Variants in STAT3 observed in about 807,000 individuals in gnomAD.
STAT3 encodes signal transducer and activator of transcription 3, also known as DNA-binding protein APRF.
A neutral mutation model predicts 114.3 loss-of-function variants in STAT3; 7 were observed. The ratio of observed to expected loss-of-function variants is 0.06; its 90% CI spans 0.03 to 0.11. The LOEUF is 0.11. STAT3 is among the 10% of genes least tolerant of loss of function. The pLI is 1.00. For synonymous variants in STAT3, 331 were observed against 354.5 expected, an observed-to-expected ratio of 0.93 and a Z score of 0.74; for missense variants, 364 against 960.9, an observed-to-expected ratio of 0.38 and a Z score of 8.21.
chr17:42,336,299 A>G (rs1278062851), intron 8 of STAT3, among the ~76,000 whole-genome samples: 1 of 152,208 alleles, frequency 6.6e-6, no homozygotes, highest in Non-Finnish European at 1.5e-5. Flanking sequence ...AGAAAAGCAT[A>G]TAAAGGAAGA....
intron 1 of STAT3, among the ~76,000 whole-genome samples, chr17:42,372,399 C>CA (rs1258468775): frequency 1.3e-5 from 2 of 151,868 alleles, no homozygotes; most frequent in East Asian, 1.9e-4. Flanking sequence ...TATCAAGCCA[C>CA]AAAAAAACAT....
intron 4 of STAT3, among the ~76,000 whole-genome samples, chr17:42,343,264 G>T (rs900939421): frequency 2.6e-5 from 4 of 151,400 alleles, no homozygotes; most frequent in Non-Finnish European, 5.9e-5. Context: ...AGGGGGTCAC[G>T]GAGAAAAAGA....
chr17:42,345,728 T>G lies in STAT3; in HGVS notation c.274-71A>C, dbSNP rs187554826. ...GAGATGTGGACTGAACTGTGGCACC[T>G]TAAAACTAATGTATTCATCAAGGAA... is the stretch of plus-strand genomic sequence containing the variant. On this transcript the variant is annotated intron_variant, in intron 3 of 23. Transcript: ENST00000264657. The G allele has an allele frequency of 9.9e-6, 13 of 1,306,674 alleles. No homozygotes were observed. The Middle Eastern group carries it at 6.5e-4, about 66-fold the overall frequency. The allele number at this position is 1,306,674 out of a possible 1,614,324, so 80.9% of individuals were successfully genotyped here. A position where few individuals can be genotyped will look rare whatever the true frequency, so the allele number is the denominator to read the frequency against.
rs397857989 is a variant in STAT3 at position 42,313,379 on chromosome 17, CAAAAA to C, written c.*2361_*2365del. The C allele has an allele frequency of 5.4e-3, 465 of 86,172 alleles. No homozygotes were observed. Among genetic ancestry groups the C allele is most frequent in the Admixed American group, 7.7e-3 (49 of 6,386 alleles). The allele number at this position is 86,172 out of a possible 1,614,324, so 5.3% of individuals were successfully genotyped here. On this transcript the variant is annotated 3_prime_UTR_variant, in exon 24 of 24. Coordinates refer to ENST00000264657, the MANE Select transcript of STAT3 (RefSeq NM_139276.3). Reference sequence around the variant, plus strand: ...AGTTAAAGTAGATACAGCAATATACCAAAAAAAAAAAAAAAAAAAAAAGACAAAAA... The same window carrying C: ...AGTTAAAGTAGATACAGCAATATACCAAAAAAAAAAAAAAAAAGACAAAAA...
chr17:42,320,682 T>C (rs2081433436), intron 21 of STAT3, among the ~76,000 whole-genome samples: 1 of 139,396 alleles, frequency 7.2e-6, no homozygotes, highest in Non-Finnish European at 1.5e-5. Context: ...TGAGCCGAGA[T>C]GGTGCCACTG....
chr17:42,323,984 C>T (rs1468198905), intron 17 of STAT3, among the ~76,000 whole-genome samples: 1 of 152,226 alleles, frequency 6.6e-6, no homozygotes, highest in East Asian at 1.9e-4. Flanking sequence ...AAAGCTACTT[C>T]TAGCCCAGGT....
chr17:42,341,490 T>C (rs1179974947), intron 4 of STAT3, among the ~76,000 whole-genome samples: 1 of 152,232 alleles, frequency 6.6e-6, no homozygotes, highest in Non-Finnish European at 1.5e-5. Context: ...TCAACTTCCT[T>C]AGACAAAATG....
In STAT3 at chr17:42,337,172, T is replaced by A. The variant is rs1027531175; in HGVS notation, c.797+263A>T. Among the ~76,000 whole-genome samples, 1 of 152,024 alleles carries A rather than the reference T, an allele frequency of 6.6e-6. No individual in the cohort carries two copies. Among genetic ancestry groups the A allele is most frequent in the African/African-American group, 2.4e-5 (1 of 41,406 alleles). On this transcript the variant is annotated intron_variant, in intron 8 of 23. Transcript: ENST00000264657. This position sits in a 1 kb window ranked among gnomAD's most constrained non-coding sequence, Gnocchi z 4.0. ...TTTTTTTATGTTTTTAGTAGAGATG[T>A]GTTTTCACCATGTTGGCCAGGCTGG... is the stretch of plus-strand genomic sequence containing the variant.
intron 21 of STAT3, among the ~76,000 whole-genome samples, chr17:42,319,405 A>C (rs974355480): frequency 2.7e-5 from 4 of 146,266 alleles, no homozygotes; most frequent in African/African-American, 1.0e-4. Flanking sequence ...AGCCAGGCAT[A>C]GTGGTGCATG....
intron 1 of STAT3, among the ~76,000 whole-genome samples, chr17:42,356,950 G>C (rs1285285692): frequency 6.6e-6 from 1 of 152,030 alleles, no homozygotes; most frequent in Non-Finnish European, 1.5e-5. Context: ...ATCATACCCG[G>C]CTAATTTTTG....
chr17:42,322,939 A>G (rs2081541683), intron 20 of STAT3, 65 bp downstream of exon 20: 3 of 1,611,458 alleles, frequency 1.9e-6, no homozygotes, highest in Admixed American at 1.7e-5. Flanking sequence ...AGGTGCTTGC[A>G]ACTAGAAGCA....
intron 4 of STAT3, among the ~76,000 whole-genome samples, chr17:42,344,437 C>T (rs1172845274): frequency 6.9e-6 from 1 of 144,554 alleles, no homozygotes; most frequent in Non-Finnish European, 1.5e-5. Context: ...AAAAAAAAGG[C>T]TGGGCGTGGT....
chr17:42,379,692 T>C (rs2084669217), intron 1 of STAT3, among the ~76,000 whole-genome samples: 1 of 152,208 alleles, frequency 6.6e-6, no homozygotes, highest in African/African-American at 2.4e-5. Context: ...TCGGGAGCAA[T>C]TCCTTGGGTG....
intron 4 of STAT3, among the ~76,000 whole-genome samples, chr17:42,343,086 C>T (rs1005871740): frequency 2.7e-5 from 4 of 148,256 alleles, no homozygotes; most frequent in African/African-American, 1.0e-4. Context: ...GCAGGAGGAT[C>T]GCTAGGGCCC....
chr17:42,323,631 G>A lies in STAT3; in HGVS notation c.1601-6C>T, dbSNP rs749830751. 9.4e-6 allele frequency: 15 copies of A among 1,588,840 alleles called. No individual in the cohort carries two copies. The East Asian group carries it at 3.4e-4, about 36-fold the overall frequency. The stretch of plus-strand genomic sequence containing the variant: ...TGAATAATTCACACCAGGTCCTGAA[G>A]GAAAGAAAAAGAGTCAAGTAGTACA... On this transcript the variant is annotated splice_polypyrimidine_tract_variant and splice_region_variant and intron_variant, in intron 17 of 23. Transcript: ENST00000264657.
intron 1 of STAT3, among the ~76,000 whole-genome samples, chr17:42,370,701 C>T (rs1242844187): frequency 2.0e-5 from 3 of 151,630 alleles, no homozygotes; most frequent in African/African-American, 7.3e-5. Flanking sequence ...GATCTCAGCT[C>T]GCTGCAACCT....
intron 1 of STAT3, among the ~76,000 whole-genome samples, chr17:42,385,365 C>T (rs538568031): frequency 2.0e-5 from 3 of 151,864 alleles, no homozygotes; most frequent in South Asian, 2.1e-4. Context: ...AAAAATTAGC[C>T]GGGCGTAGTG....
At chr17:42,351,861 C>T (rs958188711) in intron 1 of STAT3, among the ~76,000 whole-genome samples, 3 of 151,906 alleles carry the variant, frequency 2.0e-5, no homozygotes, top group East Asian at 1.9e-4. Context: ...CGGGTTCAAG[C>T]GATTTTCCTG....
In STAT3 at chr17:42,326,130, T is replaced by G. The variant is rs768150168; in HGVS notation, c.1351A>C (p.Lys451Gln). 6.2e-7 allele frequency: 1 copy of G among 1,614,040 alleles called. No individual in the cohort carries two copies. ...FETEVYHQGL[K>Q]IDLETHSLPV... is the part of the protein sequence containing the mutation. ...GCAGAACTTACCTCTAGGTCAATCT[T>G]GAGGCCTTGGTGATACACCTCGGTC... The change falls in exon 15 of 24, where the codon AAG becomes CAG. Residue 451 changes from lysine to glutamine, a missense_variant. Transcript: ENST00000264657.
Sources: allele counts gnomAD v4.1 joint callset (sites outside exome capture counted in the v4.1 genomes callset), GRCh38; gene constraint gnomAD v4.1.1; non-coding constraint Gnocchi (gnomAD v3.1); transcripts MANE v1.5; gene names NCBI Gene and HGNC (gene_info 2026-07-23, HGNC 2026-07-21).